The following PCDHA7 variants were observed in gnomAD, a reference collection of about 807,000 sequenced individuals.
PCDHA7 encodes the protein protocadherin alpha 7, also known as protocadherin alpha-7.
In PCDHA7, 37 loss-of-function variants were observed where a neutral mutation model predicts 57.2. The ratio of observed to expected loss-of-function variants is 0.65; its 90% CI spans 0.50 to 0.85. The LOEUF (loss-of-function observed/expected upper bound fraction) is 0.85, where lower values mean the gene tolerates loss of function less well. PCDHA7 is among the 40% of genes least tolerant of loss of function. The pLI is 0.00. For synonymous variants in PCDHA7, 553 were observed against 558.8 expected (o/e 0.99, Z 0.15); for missense variants, 1,188 against 1,241.8 (o/e 0.96, Z 0.65).
intron 1 of PCDHA7, among the ~76,000 whole-genome samples, chr5:140,935,636 G>A (rs1554210607): frequency 6.6e-6 from 1 of 152,052 alleles, no homozygotes; most frequent in African/African-American, 2.4e-5. Context: ...TTTAGGGCTT[G>A]CTTTTTAAAT....
intron 1 of PCDHA7, among the ~76,000 whole-genome samples, chr5:140,906,717 T>G (rs566025860): frequency 6.6e-6 from 1 of 152,320 alleles, no homozygotes; most frequent in African/African-American, 2.4e-5. Context: ...CTGCCTGGAT[T>G]GTGCTGTTGT....
At chr5:140,860,243 C>G (rs189216184) in intron 1 of PCDHA7, 1 of 151,206 alleles carries the variant, frequency 6.6e-6, no homozygotes, top group Non-Finnish European at 1.5e-5. Context: ...CATGGTGGTA[C>G]ATGCCTTTAG....
chr5:140,891,440 G>T (rs1583052190), intron 1 of PCDHA7, among the ~76,000 whole-genome samples: 1 of 147,558 alleles, frequency 6.8e-6, no homozygotes, highest in Admixed American at 6.9e-5. Flanking sequence ...AACGTCCATT[G>T]TATAGGATTT....
intron 1 of PCDHA7, chr5:140,877,946 C>A: frequency 7.4e-7 from 1 of 1,349,556 alleles, no homozygotes; most frequent in Non-Finnish European, 9.7e-7. Flanking sequence ...TTTAAACTAT[C>A]GAATGTCTCA....
chr5:140,835,083 GACA>G lies in PCDHA7; in HGVS notation c.705_707del (p.Asn236del). 1.1e-5 allele frequency: 14 copies of G among 1,222,014 alleles called. No homozygotes were observed. The highest frequency in any genetic ancestry group is 1.6e-5 in the Non-Finnish European group (14 of 893,144). 75.7% of individuals were successfully genotyped at this position (1,222,014 alleles called of 1,614,324 possible). ...CGTTCAATTACTCATCACGGTACTG[GACA>G]ACAATGACAATGCCCCAGTGTTCGA... On this transcript the variant is annotated inframe_deletion, in exon 1 of 4. Coordinates refer to ENST00000525929, the MANE Select transcript of PCDHA7 (RefSeq NM_018910.3).
intron 1 of PCDHA7, chr5:140,859,027 C>T (rs1486669007): frequency 6.6e-6 from 1 of 150,752 alleles, no homozygotes; most frequent in Non-Finnish European, 1.5e-5. Context: ...AAGTTAAATG[C>T]TTTGAACTTT....
At chr5:140,941,666 C>G (rs1029878263) in intron 1 of PCDHA7, among the ~76,000 whole-genome samples, 4 of 152,004 alleles carry the variant, frequency 2.6e-5, no homozygotes, top group Non-Finnish European at 4.4e-5. Context: ...AATTTTATGT[C>G]AAGTTCAATA....
At chr5:141,002,567 C>T (rs2098086110) in intron 3 of PCDHA7, among the ~76,000 whole-genome samples, 1 of 152,210 alleles carries the variant, frequency 6.6e-6, no homozygotes, top group Admixed American at 6.5e-5. Context: ...CAGTTAGTGA[C>T]CATGTGACCA....
chr5:140,871,292 CGT>C (rs781959716), intron 1 of PCDHA7: 2 of 1,613,890 alleles, frequency 1.2e-6, no homozygotes, highest in Non-Finnish European at 1.7e-6. Flanking sequence ...ACTGAGGGCG[CGT>C]GCGCGCCGGG....
Position 140,835,210 on chromosome 5 carries a change from ATAT to A in PCDHA7, c.832_834del (p.Ile278del). 6.4e-7 allele frequency: 1 copy of A among 1,571,342 alleles called. No homozygotes were observed. The highest frequency in any genetic ancestry group is 8.6e-7 in the Non-Finnish European group (1 of 1,156,636). ...GATTTAGACGAAGGCTTGAATGGGG[ATAT>A]TATTTACTCCTTCTCCAGTGATGTT... On this transcript the variant is annotated inframe_deletion, in exon 1 of 4. Coordinates refer to ENST00000525929, the MANE Select transcript of PCDHA7 (RefSeq NM_018910.3).
At chr5:140,981,812 A>C (rs1563492177) in intron 2 of PCDHA7, among the ~76,000 whole-genome samples, 1 of 152,052 alleles carries the variant, frequency 6.6e-6, no homozygotes, top group African/African-American at 2.4e-5. Context: ...TTTATGTTCT[A>C]TCTCTGCTTG....
intron 1 of PCDHA7, chr5:140,841,290 T>C (rs2150312636): frequency 6.4e-7 from 1 of 1,558,300 alleles, no homozygotes. Flanking sequence ...TATATTAAGA[T>C]AATATTTTCT....
chr5:140,841,114 T>C (rs2150311282), intron 1 of PCDHA7: 5 of 610,018 alleles, frequency 8.2e-6, no homozygotes, highest in Non-Finnish European at 1.4e-5. Flanking sequence ...AAGTAATTCA[T>C]GTAATCATTA....
intron 1 of PCDHA7, chr5:140,884,514 CG>C (rs1244903550): frequency 5.0e-6 from 8 of 1,614,058 alleles, no homozygotes; most frequent in Middle Eastern, 1.6e-4. Flanking sequence ...GGGAGTTGGT[CG>C]TACTCGCAGC....
intron 1 of PCDHA7, chr5:140,875,728 G>T: frequency 6.2e-7 from 1 of 1,614,238 alleles, no homozygotes; most frequent in East Asian, 2.2e-5. Flanking sequence ...CATTTTGTTT[G>T]TGAATTCTCG....
intron 1 of PCDHA7, chr5:140,863,734 C>A: frequency 3.9e-6 from 1 of 256,490 alleles, no homozygotes; most frequent in Non-Finnish European, 7.7e-6. Flanking sequence ...GTAGCTCATG[C>A]CTATTTGTAA....
chr5:140,843,347 C>T, intron 1 of PCDHA7: 1 of 1,596,018 alleles, frequency 6.3e-7, no homozygotes. Flanking sequence ...CGGCCAGGCT[C>T]CAAAAGCGTC....
At chr5:140,875,941 G>A in intron 1 of PCDHA7, 3 of 1,614,160 alleles carry the variant, frequency 1.9e-6, no homozygotes, top group East Asian at 4.5e-5. Context: ...TCTAGAGGGC[G>A]CTTCTGATGC....
intron 1 of PCDHA7, chr5:140,883,037 A>C: frequency 6.2e-7 from 1 of 1,614,166 alleles, no homozygotes; most frequent in Non-Finnish European, 8.5e-7. Flanking sequence ...GAACGCCTTC[A>C]ATGGAACATT....
Sources: gnomAD v4.1 joint callset for allele counts (sites outside exome capture counted in the v4.1 genomes callset) on GRCh38, gnomAD v4.1.1 for gene constraint, MANE v1.5 for transcripts, NCBI Gene and HGNC (gene_info 2026-07-23, HGNC 2026-07-21) for gene names.